Variants in SIRPB2 observed in about 807,000 individuals in gnomAD.
SIRPB2 encodes signal regulatory protein beta 2, also known as signal-regulatory protein beta-2.
A neutral mutation model predicts 27.1 loss-of-function variants in SIRPB2; 18 were observed. The observed-to-expected ratio is 0.66, with a 90% CI of 0.46 to 0.98. The LOEUF is 0.98. Among genes scored for constraint, SIRPB2 ranks in the 50% least tolerant of loss-of-function variants. The pLI is 0.00. For missense variants in SIRPB2, 420 were observed against 417.4 expected, an observed-to-expected ratio of 1.01 and a Z score of -0.06; for synonymous variants, 150 against 164.6, an observed-to-expected ratio of 0.91 and a Z score of 0.68.
chr20:1,487,165 C>T (rs114670332), intron 1 of SIRPB2, among the ~76,000 whole-genome samples: 1,628 of 152,248 alleles, frequency 0.011, 34 homozygotes, highest in African/African-American at 0.038. Flanking sequence ...TATTACTATA[C>T]ACTAGCAATA....
In SIRPB2 at chr20:1,491,277, G is replaced by A. The variant is rs2090774415; in HGVS notation, c.83C>T (p.Ser28Leu). 1 of 1,610,650 alleles carries A rather than the reference G, an allele frequency of 6.2e-7. No homozygotes were observed. Among genetic ancestry groups the A allele is most frequent in the East Asian group, 2.2e-5 (1 of 44,734 alleles). The change falls in exon 1 of 5, where the codon TCA becomes TTA. Residue 28 changes from serine (S) to leucine (L), a missense_variant and splice_region_variant. Transcript: ENST00000359801. The part of the protein sequence containing the change: ...FLLLALVLVP[S>L]DASGQSSRND... Reference sequence around the variant, plus strand: ...GTTCTATCCTAGACCCCACTTACCTGAGGGGACAAGGACCAGTGCCAGCAG... The same window carrying A: ...GTTCTATCCTAGACCCCACTTACCTAAGGGGACAAGGACCAGTGCCAGCAG...
At chr20:1,470,926 C>G (rs559708797), downstream of SIRPB2, 1 of 152,184 alleles carries the variant, frequency 6.6e-6, no homozygotes, top group African/African-American at 2.4e-5. Flanking sequence ...GCTGCTGGCT[C>G]GTTCTTTCAG....
chr20:1,483,821 A>G (rs912022839), intron 1 of SIRPB2, among the ~76,000 whole-genome samples: 3 of 152,136 alleles, frequency 2.0e-5, no homozygotes, highest in African/African-American at 7.2e-5. Flanking sequence ...TCTTAGCCAC[A>G]AAACCTTTGC....
chr20:1,484,618 C>T (rs771394683), intron 1 of SIRPB2, among the ~76,000 whole-genome samples: 3 of 151,674 alleles, frequency 2.0e-5, no homozygotes, highest in Non-Finnish European at 2.9e-5. Flanking sequence ...TACTAATCAT[C>T]GGGGAAATGC....
intron 1 of SIRPB2, among the ~76,000 whole-genome samples, chr20:1,489,471 C>A (rs897187406): frequency 1.3e-5 from 2 of 152,194 alleles, no homozygotes; most frequent in African/African-American, 4.8e-5. Flanking sequence ...AAAGTCTTAT[C>A]TCAGCTAGGG....
At chr20:1,472,559 T>C (rs1599996392), downstream of SIRPB2, 1 of 152,334 alleles carries the variant, frequency 6.6e-6, no homozygotes, top group East Asian at 1.9e-4. Context: ...AACAATAGCC[T>C]AATGAAATAA....
downstream of SIRPB2, among the ~76,000 whole-genome samples, chr20:1,472,055 A>G (rs1362037678): frequency 6.6e-6 from 1 of 152,162 alleles, no homozygotes; most frequent in Non-Finnish European, 1.5e-5. Flanking sequence ...GGGATCTTGG[A>G]GTGTAGTCAC....
intron 1 of SIRPB2, among the ~76,000 whole-genome samples, chr20:1,485,090 G>A (rs943707381): frequency 6.6e-6 from 1 of 152,204 alleles, no homozygotes; most frequent in Admixed American, 6.5e-5. Context: ...GGAAAAGTGA[G>A]TGTAGGGAGA....
At chr20:1,477,144 A>T in intron 4 of SIRPB2, 194 bp downstream of exon 4, 1 of 1,546,160 alleles carries the variant, frequency 6.5e-7, no homozygotes, top group Non-Finnish European at 8.7e-7. Context: ...GCTATGAGAA[A>T]GTTCGTTATA....
chr20:1,490,780 G>A lies in SIRPB2; in HGVS notation c.85+495C>T, dbSNP rs529280620. On this transcript the variant is annotated intron_variant, in intron 1 of 4. Coordinates refer to ENST00000359801, the MANE Select transcript of SIRPB2 (RefSeq NM_001122962.2). ...TCATGGCTGTGCCATCTATGTAGTC[G>A]CACAGGGCCCTGTGCTTAGAAGGAG... Among the ~76,000 whole-genome samples, 133 of 152,228 alleles carry A rather than the reference G, an allele frequency of 8.7e-4. 1 individual carries two copies. The highest frequency in any genetic ancestry group is 1.5e-3 in the Non-Finnish European group (104 of 68,018).
rs746731487 is a variant in SIRPB2, at chr20:1,478,017, A to G, written c.793+249T>C. On this transcript the variant is annotated intron_variant, in intron 3 of 4. Transcript: ENST00000359801. ...AATGATCTATACAGAGTTCTGTGGAAACCAGAATGGGGAGAAATTAACTCT... is the reference window on the plus strand; with the variant it reads ...AATGATCTATACAGAGTTCTGTGGAGACCAGAATGGGGAGAAATTAACTCT... 11 of 635,468 alleles carry G rather than the reference A, an allele frequency of 1.7e-5. 1 individual carries two copies. Among genetic ancestry groups the G allele is most frequent in the South Asian group, 1.7e-4 (11 of 66,152 alleles). The allele number at this position is 635,468 out of a possible 1,614,324, so 39.4% of individuals were successfully genotyped here. A position where few individuals can be genotyped will look rare whatever the true frequency, so the allele number is the denominator to read the frequency against.
At chr20:1,479,552 C>T in intron 2 of SIRPB2, 148 bp downstream of exon 2, 1 of 1,259,356 alleles carries the variant, frequency 7.9e-7, no homozygotes, top group Non-Finnish European at 1.1e-6. Context: ...ACCACCCAGC[C>T]ACATGTAAAT....
At chr20:1,480,360 T>C (rs1341119327) in intron 1 of SIRPB2, 2 of 317,810 alleles carry the variant, frequency 6.3e-6, no homozygotes, top group Non-Finnish European at 1.2e-5. Flanking sequence ...GTAAATGGCA[T>C]CATTCCCATT....
At chr20:1,484,103 T>A (rs1332454778) in intron 1 of SIRPB2, among the ~76,000 whole-genome samples, 1 of 152,176 alleles carries the variant, frequency 6.6e-6, no homozygotes, top group Non-Finnish European at 1.5e-5. Flanking sequence ...GTATCAAGAA[T>A]ACACATTCAA....
At position 1,474,819 on chromosome 20, in the gene SIRPB2, C is replaced by T. The variant is rs1204748923; in HGVS notation, c.*1348G>A. On this transcript the variant is annotated 3_prime_UTR_variant, in exon 5 of 5. Coordinates refer to ENST00000359801, the MANE Select transcript of SIRPB2 (RefSeq NM_001122962.2). ...AAACTCCTGAACTCAGGTGATCCAC[C>T]CACCTCGGCCTCCCAAAGTGCTGGG... 1.2e-4 allele frequency: 18 copies of T among 152,256 alleles called. No homozygotes were observed. The allele number at this position is 152,256 out of a possible 1,614,324, so 9.4% of individuals were successfully genotyped here. A position where few individuals can be genotyped will look rare whatever the true frequency, so the allele number is the denominator to read the frequency against.
chr20:1,487,457 A>G (rs1189313158), intron 1 of SIRPB2, among the ~76,000 whole-genome samples: 1 of 152,250 alleles, frequency 6.6e-6, no homozygotes, highest in Non-Finnish European at 1.5e-5. Context: ...CTAAATCTAA[A>G]ATTTATAGAA....
Position 1,479,862 on chromosome 20 carries a change from G to A in SIRPB2, c.289C>T (p.Pro97Ser). The A allele has an allele frequency of 6.2e-7, 1 of 1,614,218 alleles. No homozygotes were observed. The highest frequency in any genetic ancestry group is 8.5e-7 in the Non-Finnish European group (1 of 1,180,044). ...GGTTCTGATGTCCGTTGGATCATGG[G>A]CATTACCCCAGGGAAGGAGCCACGT... ...FKRGSFPGVMPMIQRTSEPLN... is the reference protein window; with the variant it reads ...FKRGSFPGVMSMIQRTSEPLN... The change falls in exon 2 of 5, where the codon CCC becomes TCC. Residue 97 changes from proline (P) to serine (S), a missense_variant. Pro to Ser is a moderately conservative substitution (Grantham distance 74). Coordinates refer to ENST00000359801, the MANE Select transcript of SIRPB2 (RefSeq NM_001122962.2).
rs771462582 is a variant in SIRPB2, at chr20:1,476,146, C to T, written c.*21G>A. On this transcript the variant is annotated 3_prime_UTR_variant, in exon 5 of 5. Coordinates refer to ENST00000359801, the MANE Select transcript of SIRPB2 (RefSeq NM_001122962.2). ...CTGGCTCCTCTCCAACTCAGAGGGT[C>T]CTCACTCTGGGGCTGACCCCTCACT... 7 of 1,607,444 alleles carry T rather than the reference C, an allele frequency of 4.4e-6. No homozygotes were observed. Among genetic ancestry groups the T allele is most frequent in the Non-Finnish European group, 8.5e-7 (1 of 1,178,000 alleles).
At position 1,476,331 on chromosome 20, in the gene SIRPB2, G is replaced by A. The variant is rs746435325; in HGVS notation, c.865C>T (p.Leu289=). 48 of 1,611,094 alleles carry A rather than the reference G, an allele frequency of 3.0e-5. No individual in the cohort carries two copies. Among genetic ancestry groups the A allele is most frequent in the Non-Finnish European group, 4.0e-5 (47 of 1,179,116 alleles). ...PATEMSPTGL[L]VVFAPVVLGL... is the part of the protein sequence containing the mutation. ...AGGACCACAGGTGCGAACACAACCA[G>A]GAGGCCTGGGAGGCACAGGAGAGAG... Residue 289 remains leucine (L), a synonymous_variant, in exon 5 of 5, where the codon CTG becomes TTG. Coordinates refer to ENST00000359801, the MANE Select transcript of SIRPB2 (RefSeq NM_001122962.2).
Sources: allele counts gnomAD v4.1 joint callset (sites outside exome capture counted in the v4.1 genomes callset), GRCh38; gene constraint gnomAD v4.1.1; transcripts MANE v1.5; gene names NCBI Gene and HGNC (gene_info 2026-07-23, HGNC 2026-07-21).